The following CMPK1 variants were observed in gnomAD, a reference collection of about 807,000 sequenced individuals.
The protein encoded by CMPK1 is UMP-CMP kinase.
Under a neutral mutation model 25.7 loss-of-function variants are expected in CMPK1, and 10 were observed. That is an observed-to-expected ratio of 0.39 (90% CI 0.24 to 0.66). The LOEUF (loss-of-function observed/expected upper bound fraction) is 0.66, where lower values mean the gene tolerates loss of function less well. CMPK1 is among the 30% of genes least tolerant of loss of function. The pLI is 0.48. For missense variants in CMPK1, 199 were observed against 280.5 expected (o/e 0.71, Z 2.08); for synonymous variants, 106 against 101.5 (o/e 1.04, Z -0.27).
intron 3 of CMPK1, among the ~76,000 whole-genome samples, chr1:47,374,497 T>C (rs1270909952): frequency 1.3e-5 from 2 of 152,264 alleles, no homozygotes; most frequent in African/African-American, 4.8e-5. Flanking sequence ...GGATGCTTTA[T>C]TCAAATGCAA....
chr1:47,362,034 C>T (rs1365373724), intron 1 of CMPK1, among the ~76,000 whole-genome samples: 1 of 151,974 alleles, frequency 6.6e-6, no homozygotes, highest in Non-Finnish European at 1.5e-5. Flanking sequence ...CTATGCCTGG[C>T]TAATTTTGTA....
At chr1:47,356,629 G>T (rs1201054406) in intron 1 of CMPK1, among the ~76,000 whole-genome samples, 4 of 150,432 alleles carry the variant, frequency 2.7e-5, no homozygotes, top group Admixed American at 2.6e-4. Context: ...AATAATTACA[G>T]TATGAATTTT....
chr1:47,362,434 T>C (rs1457444743), intron 1 of CMPK1, among the ~76,000 whole-genome samples: 2 of 151,910 alleles, frequency 1.3e-5, no homozygotes, highest in Non-Finnish European at 2.9e-5. Flanking sequence ...TCCCAGAGTG[T>C]TGGGATCACA....
At chr1:47,341,846 C>T (rs899333973) in intron 1 of CMPK1, among the ~76,000 whole-genome samples, 2 of 151,770 alleles carry the variant, frequency 1.3e-5, no homozygotes, top group African/African-American at 4.8e-5. Flanking sequence ...TGGTCTCGCT[C>T]TCCTGACCTC....
intron 1 of CMPK1, among the ~76,000 whole-genome samples, chr1:47,335,729 T>A (rs571799437): frequency 1.9e-4 from 29 of 151,682 alleles, no homozygotes; most frequent in Admixed American, 3.9e-4. Context: ...CTTAAAAAAA[T>A]TTTTTTTTGT....
In CMPK1 at chr1:47,333,815, C is replaced by A; in HGVS notation, c.-131C>A. Reference sequence around the variant, plus strand: ...CCCTTCCGACAGGGCCGCGGACGCCCGGGCAGCCACGGCGGCGGGGCCGCG... The same window carrying A: ...CCCTTCCGACAGGGCCGCGGACGCCAGGGCAGCCACGGCGGCGGGGCCGCG... On this transcript the variant is annotated 5_prime_UTR_variant, in exon 1 of 6. Transcript: ENST00000371873. 1 of 411,192 alleles carries A rather than the reference C, an allele frequency of 2.4e-6. No individual in the cohort carries two copies. The highest frequency in any genetic ancestry group is 3.3e-6 in the Non-Finnish European group (1 of 303,996). The allele number at this position is 411,192 out of a possible 1,614,324, so 25.5% of individuals were successfully genotyped here.
chr1:47,360,594 G>A (rs1218378686), intron 1 of CMPK1, among the ~76,000 whole-genome samples: 2 of 152,164 alleles, frequency 1.3e-5, no homozygotes, highest in African/African-American at 4.8e-5. Context: ...TTTAAGTTAT[G>A]CAAATATGGA....
intron 1 of CMPK1, among the ~76,000 whole-genome samples, chr1:47,339,682 C>A (rs1401614883): frequency 1.7e-5 from 2 of 119,892 alleles, no homozygotes; most frequent in Non-Finnish European, 3.6e-5. Flanking sequence ...CCTCTGATTT[C>A]TTTTTCTTTC....
intron 1 of CMPK1, among the ~76,000 whole-genome samples, chr1:47,340,375 G>A (rs951725543): frequency 6.6e-6 from 1 of 151,244 alleles, no homozygotes; most frequent in African/African-American, 2.4e-5. Flanking sequence ...GGATTCAAAC[G>A]ATCCTCCCAC....
intron 1 of CMPK1, among the ~76,000 whole-genome samples, chr1:47,366,302 C>T (rs182726163): frequency 1.3e-5 from 2 of 152,294 alleles, no homozygotes; most frequent in African/African-American, 4.8e-5. Flanking sequence ...GTTAGTTACC[C>T]ACTAAGTTTT....
At chr1:47,354,839 T>C (rs1019418364) in intron 1 of CMPK1, among the ~76,000 whole-genome samples, 2 of 152,134 alleles carry the variant, frequency 1.3e-5, no homozygotes, top group Admixed American at 6.6e-5. Context: ...AGAAATGGAA[T>C]TACTGAGTCA....
At chr1:47,343,721 C>T (rs116263122) in intron 1 of CMPK1, among the ~76,000 whole-genome samples, 1,584 of 152,060 alleles carry the variant, frequency 0.01, 36 homozygotes, top group African/African-American at 0.037. Flanking sequence ...CAAGACCAGC[C>T]TGGGAAACAT....
chr1:47,367,849 C>G (rs1483429978), intron 1 of CMPK1, among the ~76,000 whole-genome samples: 1 of 152,132 alleles, frequency 6.6e-6, no homozygotes, highest in East Asian at 1.9e-4. Flanking sequence ...TTCACTGCAA[C>G]CTTAAACTCC....
chr1:47,368,093 G>T (rs112611216), intron 1 of CMPK1, among the ~76,000 whole-genome samples: 64 of 152,180 alleles, frequency 4.2e-4, no homozygotes, highest in African/African-American at 1.5e-3. Context: ...GGGATTACAG[G>T]CATGCACCAC....
intron 1 of CMPK1, among the ~76,000 whole-genome samples, chr1:47,364,005 G>A (rs976251106): frequency 6.6e-6 from 1 of 152,056 alleles, no homozygotes; most frequent in Non-Finnish European, 1.5e-5. Context: ...GGGATGTTGT[G>A]GGCTCTAAAG....
At chr1:47,360,095 A>C (rs1646591280) in intron 1 of CMPK1, among the ~76,000 whole-genome samples, 1 of 152,152 alleles carries the variant, frequency 6.6e-6, no homozygotes. Context: ...AATTAACAAG[A>C]CTAAGTGAGC....
chr1:47,375,109 G>C, intron 4 of CMPK1, 88 bp from the exon 5 acceptor site: 1 of 1,252,854 alleles, frequency 8.0e-7, no homozygotes. Context: ...AATCAGTCGG[G>C]GCAGATCCAG....
At chr1:47,374,442 T>C (rs763681388) in intron 3 of CMPK1, among the ~76,000 whole-genome samples, 12 of 152,216 alleles carry the variant, frequency 7.9e-5, no homozygotes, top group Non-Finnish European at 1.3e-4. Flanking sequence ...CTTTAGAATG[T>C]TACCACAGCT....
At chr1:47,343,148 A>C (rs1295045815) in intron 1 of CMPK1, among the ~76,000 whole-genome samples, 1 of 150,740 alleles carries the variant, frequency 6.6e-6, no homozygotes, top group Non-Finnish European at 1.5e-5. Context: ...CACCACACCC[A>C]GTTAATTTTT....
Sources: gnomAD v4.1 joint callset for allele counts (sites outside exome capture counted in the v4.1 genomes callset) on GRCh38, gnomAD v4.1.1 for gene constraint, MANE v1.5 for transcripts, NCBI Gene and HGNC (gene_info 2026-07-23, HGNC 2026-07-21) for gene names.